The following ADAMTS3 variants were observed in gnomAD, a reference collection of about 807,000 sequenced individuals.
ADAMTS3 encodes the protein A disintegrin and metalloproteinase with thrombospondin motifs 3.
ADAMTS3 carries 73 observed loss-of-function variants against 129.0 expected under a neutral mutation model. The ratio of observed to expected loss-of-function variants is 0.57; its 90% CI spans 0.47 to 0.69. The LOEUF (loss-of-function observed/expected upper bound fraction) is 0.69, where lower values mean the gene tolerates loss of function less well. Among genes scored for constraint, ADAMTS3 ranks in the 30% least tolerant of loss-of-function variants. The pLI is 0.00. For missense variants in ADAMTS3, 1,457 were observed against 1,514.5 expected (o/e 0.96, Z 0.63); for synonymous variants, 477 against 510.8 (o/e 0.93, Z 0.89).
chr4:72,562,361 T>G (rs926670729), intron 2 of ADAMTS3, among the ~76,000 whole-genome samples: 1 of 152,174 alleles, frequency 6.6e-6, no homozygotes, highest in Non-Finnish European at 1.5e-5. Flanking sequence ...GTAACCAACT[T>G]GTGGGGCTCT....
At chr4:72,533,349 A>G (rs2109766970) in intron 3 of ADAMTS3, among the ~76,000 whole-genome samples, 1 of 152,232 alleles carries the variant, frequency 6.6e-6, no homozygotes, top group Non-Finnish European at 1.5e-5. Flanking sequence ...TTCAGAGGCA[A>G]TAACATGCAC....
intron 11 of ADAMTS3, 40 bp from the exon 12 acceptor site, chr4:72,313,862 T>C (rs764234217): frequency 2.5e-6 from 4 of 1,610,840 alleles, no homozygotes; most frequent in East Asian, 2.2e-5. Context: ...AAATCACGCA[T>C]ACACTAAAGC....
chr4:72,481,578 T>A (rs1355728627), intron 3 of ADAMTS3, among the ~76,000 whole-genome samples: 2 of 152,128 alleles, frequency 1.3e-5, no homozygotes, highest in African/African-American at 4.8e-5. Flanking sequence ...ATGTAAGTCA[T>A]AAAATCATAA....
chr4:72,477,421 C>T (rs1719270288), intron 3 of ADAMTS3, among the ~76,000 whole-genome samples: 1 of 152,094 alleles, frequency 6.6e-6, no homozygotes, highest in Non-Finnish European at 1.5e-5. Context: ...GGAAACTGAA[C>T]AACCTGCTCC....
chr4:72,363,739 T>A (rs1220010836), intron 4 of ADAMTS3, among the ~76,000 whole-genome samples: 1 of 149,274 alleles, frequency 6.7e-6, no homozygotes, highest in Non-Finnish European at 1.5e-5. Context: ...CCAAACGTTA[T>A]AAAAAAAATA....
In ADAMTS3 at chr4:72,298,330, G is replaced by A. The variant is rs1269206537; in HGVS notation, c.2537C>T (p.Thr846Ile). The A allele has an allele frequency of 6.2e-7, 1 of 1,613,178 alleles. No individual in the cohort carries two copies. Among genetic ancestry groups the A allele is most frequent in the Non-Finnish European group, 8.5e-7 (1 of 1,179,358 alleles). ...SNNVIQEELD[T>I]FEWALKSWSQ... The stretch of plus-strand genomic sequence containing the variant: ...CCAGCTCTTCAAAGCCCACTCAAAA[G>A]TATCTAATTCTTCCTGGATGACATT... The change falls in exon 18 of 22, where the codon ACT becomes ATT. Residue 846 changes from threonine to isoleucine, a missense_variant. Transcript: ENST00000286657.
At chr4:72,312,542 G>C (rs1276809785) in intron 12 of ADAMTS3, 76 bp from the exon 13 acceptor site, 53 of 1,462,328 alleles carry the variant, frequency 3.6e-5, no homozygotes, top group Non-Finnish European at 4.9e-5. Context: ...CAGTGCTTGA[G>C]GGCACAAAGC....
chr4:72,475,209 A>G (rs1719197295), intron 3 of ADAMTS3, among the ~76,000 whole-genome samples: 1 of 151,964 alleles, frequency 6.6e-6, no homozygotes, highest in South Asian at 2.1e-4. Flanking sequence ...ATAACATTAA[A>G]AGACAGAGAT....
intron 3 of ADAMTS3, among the ~76,000 whole-genome samples, chr4:72,451,123 A>G (rs1277952287): frequency 2.0e-5 from 3 of 151,770 alleles, no homozygotes; most frequent in Non-Finnish European, 4.4e-5. Context: ...CCCTTTCATG[A>G]AATCATCTAC....
chr4:72,538,055 A>C (rs1417178269), intron 3 of ADAMTS3, among the ~76,000 whole-genome samples: 4 of 152,188 alleles, frequency 2.6e-5, no homozygotes, highest in Non-Finnish European at 5.9e-5. Flanking sequence ...AAAAATTAGT[A>C]AACTTGAAGG....
At chr4:72,381,320 C>A (rs1362946555) in intron 4 of ADAMTS3, among the ~76,000 whole-genome samples, 1 of 152,150 alleles carries the variant, frequency 6.6e-6, no homozygotes, top group Non-Finnish European at 1.5e-5. Context: ...TCTGGTAGAA[C>A]TGAATGCCTA....
intron 19 of ADAMTS3, among the ~76,000 whole-genome samples, chr4:72,292,315 A>G (rs1404445797): frequency 2.6e-5 from 4 of 152,198 alleles, no homozygotes; most frequent in African/African-American, 9.6e-5. Context: ...GAGTTCACTC[A>G]TGTTTAAATA....
chr4:72,565,474 C>T (rs1423586544), intron 2 of ADAMTS3, among the ~76,000 whole-genome samples: 4 of 152,174 alleles, frequency 2.6e-5, no homozygotes, highest in African/African-American at 9.7e-5. Flanking sequence ...AATCACTGTA[C>T]ATAAGATTTT....
At position 72,487,988 on chromosome 4, in the gene ADAMTS3, AAAAT is replaced by A. The variant is rs1261198671; in HGVS notation, c.504+60486_504+60489del. ...GCCATGTTTGAAATGGAGAAAGAAA[AAAAT>A]AAATAAATGCCCAAATATTGTGCAC... On this transcript the variant is annotated intron_variant, in intron 3 of 21. Transcript: ENST00000286657. Among the ~76,000 whole-genome samples, 8 of 152,204 alleles carry A rather than the reference AAAAT, an allele frequency of 5.3e-5. No individual in the cohort carries two copies. The East Asian group carries it at 5.8e-4, about 11-fold the overall frequency.
intron 3 of ADAMTS3, among the ~76,000 whole-genome samples, chr4:72,514,495 T>A (rs1391083989): frequency 6.6e-6 from 1 of 152,138 alleles, no homozygotes; most frequent in Non-Finnish European, 1.5e-5. Flanking sequence ...GGCTCTTCTT[T>A]TCTGAGGAAA....
chr4:72,550,000 GGAAGAA>G lies in ADAMTS3; in HGVS notation c.98-1122_98-1117del, dbSNP rs1167934145. ...AAGAAGAAGAAGAAGAAGAGGAAGA[GGAAGAA>G]GAAGAAGAAGAAGAAGAAGAAGAAG... is the stretch of plus-strand genomic sequence containing the variant. On this transcript the variant is annotated intron_variant, in intron 2 of 21. Coordinates refer to ENST00000286657, the MANE Select transcript of ADAMTS3 (RefSeq NM_014243.3). Among the ~76,000 whole-genome samples the G allele has an allele frequency of 2.4e-3, 23 of 9,762 alleles. 3 individuals are homozygous for G. The highest frequency in any genetic ancestry group is 0.012 in the African/African-American group (23 of 1,878). The allele number at this position is 9,762 out of a possible 152,430, so 6.4% of individuals were successfully genotyped here. A position where few individuals can be genotyped will look rare whatever the true frequency, so the allele number is the denominator to read the frequency against.
chr4:72,375,226 A>G (rs1218175512), intron 4 of ADAMTS3, among the ~76,000 whole-genome samples: 2 of 152,136 alleles, frequency 1.3e-5, no homozygotes, highest in African/African-American at 4.8e-5. Context: ...TAAATATGCT[A>G]TTTCATCCTG....
intron 3 of ADAMTS3, among the ~76,000 whole-genome samples, chr4:72,463,442 C>T (rs1286661928): frequency 2.6e-5 from 4 of 151,962 alleles, no homozygotes; most frequent in African/African-American, 7.2e-5. Flanking sequence ...CAGAAGCATA[C>T]ATTGTAATCA....
chr4:72,497,626 A>G (rs1719903000), intron 3 of ADAMTS3, among the ~76,000 whole-genome samples: 1 of 151,750 alleles, frequency 6.6e-6, no homozygotes, highest in African/African-American at 2.4e-5. Flanking sequence ...TTTATACTCT[A>G]AATATATCAT....
Sources: gnomAD v4.1 joint callset for allele counts (sites outside exome capture counted in the v4.1 genomes callset) on GRCh38, gnomAD v4.1.1 for gene constraint, MANE v1.5 for transcripts, NCBI Gene and HGNC (gene_info 2026-07-23, HGNC 2026-07-21) for gene names.